ZNF385D: variants seen among roughly 807,000 people sequenced by gnomAD.
ZNF385D encodes zinc finger protein 659.
ZNF385D carries 15 observed loss-of-function variants against 35.8 expected under a neutral mutation model. The observed-to-expected ratio is 0.42, with a 90% CI of 0.28 to 0.64. The LOEUF (loss-of-function observed/expected upper bound fraction) is 0.64. ZNF385D is among the 30% of genes least tolerant of loss of function. ZNF385D has a pLI of 0.23. For synonymous variants in ZNF385D, 212 were observed against 186.8 expected, an observed-to-expected ratio of 1.13 and a Z score of -1.10; for missense variants, 474 against 494.6, an observed-to-expected ratio of 0.96 and a Z score of 0.39.
Position 22,330,212 on chromosome 3 carries a change from T to C in ZNF385D, c.106+42238A>G, listed in dbSNP as rs935946470. Among the ~76,000 whole-genome samples, 4 of 152,214 alleles carry C rather than the reference T, an allele frequency of 2.6e-5. No homozygotes were observed. In the South Asian group the frequency reaches 8.3e-4, roughly 31 times the overall value. The stretch of plus-strand genomic sequence containing the variant: ...TTATTTTCTGCCTTTTACACTTTCA[T>C]TTTTAATTTTCAAGAGAAATTATGC... On this transcript the variant is annotated intron_variant, in intron 2 of 5. Coordinates refer to the ZNF385D transcript ENST00000494108.
chr3:22,107,912 T>A (rs1217454345), intron 3 of ZNF385D, among the ~76,000 whole-genome samples: 3 of 151,878 alleles, frequency 2.0e-5, no homozygotes, highest in Non-Finnish European at 4.4e-5. Flanking sequence ...CCATAATAGG[T>A]GATTAGGCCG....
chr3:22,046,051 C>G (rs1438890009), intron 3 of ZNF385D, among the ~76,000 whole-genome samples: 4 of 151,770 alleles, frequency 2.6e-5, no homozygotes, highest in East Asian at 1.9e-4. Context: ...AATTGTCAAC[C>G]CTGGCAGATT....
chr3:21,718,889 A>G (rs1480475234), intron 1 of ZNF385D, among the ~76,000 whole-genome samples: 1 of 152,214 alleles, frequency 6.6e-6, no homozygotes, highest in East Asian at 1.9e-4. Flanking sequence ...TCTTCACTTA[A>G]AACTGTATTT....
intron 2 of ZNF385D, among the ~76,000 whole-genome samples, chr3:22,207,996 T>C (rs2728979): frequency 0.61 from 92,777 of 151,704 alleles, 30,685 homozygotes; most frequent in African/African-American, 0.87. Context: ...TAAATTAGTA[T>C]AGCCAATATG....
At chr3:22,327,682 G>A (rs1694741805) in intron 2 of ZNF385D, among the ~76,000 whole-genome samples, 1 of 152,138 alleles carries the variant, frequency 6.6e-6, no homozygotes, top group South Asian at 2.1e-4. Context: ...ACTCCCAGTG[G>A]AAGATTGCAT....
At chr3:22,289,687 A>G (rs1702199990) in intron 2 of ZNF385D, among the ~76,000 whole-genome samples, 1 of 152,160 alleles carries the variant, frequency 6.6e-6, no homozygotes, top group South Asian at 2.1e-4. Context: ...AGGGAGAATC[A>G]CACATGCCTA....
intron 3 of ZNF385D, among the ~76,000 whole-genome samples, chr3:21,831,473 T>A (rs1294561628): frequency 6.6e-6 from 1 of 152,200 alleles, no homozygotes; most frequent in African/African-American, 2.4e-5. Context: ...GAATAAGAAA[T>A]CCTTAGCTTT....
chr3:21,929,653 A>C (rs925061433), intron 3 of ZNF385D, among the ~76,000 whole-genome samples: 1 of 152,108 alleles, frequency 6.6e-6, no homozygotes, highest in Non-Finnish European at 1.5e-5. Context: ...GTATTTTTAT[A>C]TATTAGAAAG....
chr3:22,128,603 C>T (rs1703586806), intron 3 of ZNF385D, among the ~76,000 whole-genome samples: 1 of 152,078 alleles, frequency 6.6e-6, no homozygotes. Flanking sequence ...TTCAAATAGT[C>T]TATCTTCAAA....
intron 2 of ZNF385D, among the ~76,000 whole-genome samples, chr3:22,253,005 T>G (rs183429747): frequency 5.3e-5 from 8 of 152,206 alleles, no homozygotes; most frequent in Non-Finnish European, 1.2e-4. Flanking sequence ...AAGATGATTG[T>G]GCAGGCACAG....
At chr3:21,702,467 C>G (rs571888064) in intron 1 of ZNF385D, among the ~76,000 whole-genome samples, 2 of 152,314 alleles carry the variant, frequency 1.3e-5, no homozygotes, top group African/African-American at 4.8e-5. Context: ...ATGGGAGGGG[C>G]TGCTGTGAAG....
chr3:22,012,057 C>T (rs1559847376), intron 3 of ZNF385D, among the ~76,000 whole-genome samples: 1 of 152,064 alleles, frequency 6.6e-6, no homozygotes, highest in Non-Finnish European at 1.5e-5. Flanking sequence ...ATTATATCAA[C>T]TTTGTGCAAG....
intron 4 of ZNF385D, among the ~76,000 whole-genome samples, chr3:21,490,352 T>C (rs1705337711): frequency 1.3e-5 from 2 of 152,034 alleles, no homozygotes; most frequent in Admixed American, 1.3e-4. Flanking sequence ...CTTGCTGTTA[T>C]TCCAATCCAA....
intron 3 of ZNF385D, among the ~76,000 whole-genome samples, chr3:22,125,818 A>G (rs991841549): frequency 1.1e-4 from 16 of 152,012 alleles, no homozygotes; most frequent in Non-Finnish European, 1.6e-4. Context: ...TTTTTGGTGA[A>G]GTCTTTAGGT....
intron 3 of ZNF385D, among the ~76,000 whole-genome samples, chr3:21,885,818 A>T (rs1374140423): frequency 6.6e-6 from 1 of 151,620 alleles, no homozygotes; most frequent in East Asian, 1.9e-4. Context: ...AAATTGGCTC[A>T]CACAACTGTG....
intron 3 of ZNF385D, among the ~76,000 whole-genome samples, chr3:21,514,234 C>T (rs967374276): frequency 6.6e-6 from 1 of 152,072 alleles, no homozygotes; most frequent in Non-Finnish European, 1.5e-5. Context: ...CCTGGGAATT[C>T]TCAATACACA....
At chr3:22,204,879 G>T (rs2728975) in intron 2 of ZNF385D, among the ~76,000 whole-genome samples, 23,203 of 150,646 alleles carry the variant, frequency 0.15, 1,875 homozygotes, top group Middle Eastern at 0.24. Context: ...AGCCTCAAAA[G>T]GGCAAATCTA....
chr3:21,933,801 T>C (rs946667863), intron 3 of ZNF385D, among the ~76,000 whole-genome samples: 6 of 152,142 alleles, frequency 3.9e-5, no homozygotes, highest in Non-Finnish European at 8.8e-5. Context: ...AAACAACTTT[T>C]CTATCTCCTG....
intron 2 of ZNF385D, among the ~76,000 whole-genome samples, chr3:22,263,876 CA>C (rs1376237961): frequency 6.6e-6 from 1 of 151,506 alleles, no homozygotes; most frequent in Admixed American, 6.6e-5. Flanking sequence ...GCCCCTCATG[CA>C]AAAAATAATT....
Sources: gnomAD v4.1 joint callset for allele counts (sites outside exome capture counted in the v4.1 genomes callset) on GRCh38, gnomAD v4.1.1 for gene constraint, MANE v1.5 for transcripts, NCBI Gene and HGNC (gene_info 2026-07-23, HGNC 2026-07-21) for gene names.